KCNT1: variants seen among roughly 807,000 people sequenced by gnomAD.
KCNT1 encodes potassium channel subfamily T member 1.
KCNT1 carries 78 observed loss-of-function variants against 147.8 expected under a neutral mutation model. The ratio of observed to expected loss-of-function variants is 0.53; its 90% confidence interval spans 0.44 to 0.64. The LOEUF is 0.64. KCNT1 is among the 30% of genes least tolerant of loss of function. The pLI is 0.00. For synonymous variants in KCNT1, 867 were observed against 748.8 expected (o/e 1.16, Z -2.58); for missense variants, 1,419 against 1,750.3 (o/e 0.81, Z 3.38).
intron 11 of KCNT1, among the ~76,000 whole-genome samples, chr9:135,762,047 G>A (rs1831949631): frequency 6.6e-6 from 1 of 152,256 alleles, no homozygotes; most frequent in African/African-American, 2.4e-5. Context: ...CAGCAGGCCT[G>A]TTCCATGTCC....
rs1477566705 is a variant in KCNT1 at position 135,784,922 on chromosome 9, C to T, written c.3156+33C>T. The T allele has an allele frequency of 2.5e-6, 4 of 1,606,548 alleles. No homozygotes were observed. The African/African-American group carries it at 5.3e-5, about 21-fold the overall frequency. On this transcript the variant is annotated intron_variant, in intron 27 of 30. Coordinates refer to ENST00000371757, the MANE Select transcript of KCNT1 (RefSeq NM_020822.3). ...GGCAGCCTGGGGGCTGGGACTGTGG[C>T]AGCCCCTGTCCTGTGTGACCCACAG...
chr9:135,763,600 A>G (rs375280562), intron 11 of KCNT1, among the ~76,000 whole-genome samples: 40 of 151,910 alleles, frequency 2.6e-4, no homozygotes, highest in African/African-American at 9.2e-4. Flanking sequence ...TGGGGCCGCA[A>G]TCCCTGGGGC....
chr9:135,716,724 G>T (rs1199002867), intron 2 of KCNT1, among the ~76,000 whole-genome samples: 1 of 152,180 alleles, frequency 6.6e-6, no homozygotes, highest in Non-Finnish European at 1.5e-5. Flanking sequence ...GACGTGTGTG[G>T]CTGTGTGTGC....
At chr9:135,725,682 CG>C (rs1001506846) in intron 2 of KCNT1, among the ~76,000 whole-genome samples, 2 of 152,182 alleles carry the variant, frequency 1.3e-5, no homozygotes, top group South Asian at 4.2e-4. Context: ...GCACCAAAGC[CG>C]GGGGGGCCCC....
In KCNT1 at chr9:135,730,111, C is replaced by G. The variant is rs974183562; in HGVS notation, c.254+15391C>G. On this transcript the variant is annotated intron_variant, in intron 2 of 30. Transcript: ENST00000371757. This position sits in a 1 kb window ranked among gnomAD's most constrained non-coding sequence, Gnocchi z 4.7. ...TTCATCCATGGGAGCTGTGCACCCCCAAATATAATTCCTGCTGGAAACACC... is the reference window on the plus strand; with the variant it reads ...TTCATCCATGGGAGCTGTGCACCCCGAAATATAATTCCTGCTGGAAACACC... Among the ~76,000 whole-genome samples, 1 of 152,310 alleles carries G rather than the reference C, an allele frequency of 6.6e-6. No individual in the cohort carries two copies. The highest frequency in any genetic ancestry group is 6.5e-5 in the Admixed American group (1 of 15,304).
intron 28 of KCNT1, 78 bp downstream of exon 28, chr9:135,785,408 G>GCCCCCCCCCCCCCCCCCCCC: frequency 9.2e-6 from 14 of 1,526,466 alleles, no homozygotes; most frequent in South Asian, 6.0e-5. Context: ...AGCCTGCCAG[G>GCCCCCCCCCCCCCCCCCCCC]CCCCACCCAC....
In KCNT1 at chr9:135,768,928, A is replaced by G; in HGVS notation, c.1501A>G (p.Lys501Glu). 1 of 1,612,466 alleles carries G rather than the reference A, an allele frequency of 6.2e-7. No homozygotes were observed. Among genetic ancestry groups the G allele is most frequent in the Non-Finnish European group, 8.5e-7 (1 of 1,179,478 alleles). The stretch of plus-strand genomic sequence containing the variant: ...CAAACCTGAAAACAAGTTTCACGTC[A>G]AGTTTGCTGGTGCGTCTGGGGCACA... ...ILKPENKFHV[K>E]FADHVVCEEE... Residue 501 changes from lysine to glutamate, a missense_variant, in exon 15 of 31, where the codon AAG (lysine) becomes GAG (glutamate). Physicochemically the swap from Lys to Glu is moderately conservative, Grantham distance 56. Coordinates refer to ENST00000371757, the MANE Select transcript of KCNT1 (RefSeq NM_020822.3).
chr9:135,760,647 A>C (rs1338573806), intron 11 of KCNT1, among the ~76,000 whole-genome samples: 1 of 152,130 alleles, frequency 6.6e-6, no homozygotes, highest in Non-Finnish European at 1.5e-5. Flanking sequence ...CTCCCGCTAA[A>C]CAGCAGTGGG....
chr9:135,791,522 CTTTGCTGCGATGCCACCTA>C, intron 29 of KCNT1: 1 of 473,142 alleles, frequency 2.1e-6, no homozygotes, highest in South Asian at 2.3e-5. Context: ...AGGGCCACCC[CTTTGCTGCGATGCCACCTA>C]GCACCAGAGG....
At chr9:135,791,386 G>A in intron 29 of KCNT1, 1 of 235,472 alleles carries the variant, frequency 4.2e-6, no homozygotes, top group Non-Finnish European at 8.4e-6. Context: ...TGAATCTGCA[G>A]GTGTGTGCAG....
chr9:135,733,645 G>C (rs759481335), intron 2 of KCNT1, among the ~76,000 whole-genome samples: 42 of 130,774 alleles, frequency 3.2e-4, no homozygotes, highest in Non-Finnish European at 6.3e-4. Flanking sequence ...ACACTGCCCA[G>C]CCCTGCACTC....
At chr9:135,742,687 C>A in intron 2 of KCNT1, 2 of 714,714 alleles carry the variant, frequency 2.8e-6, no homozygotes, top group Admixed American at 4.0e-5. Flanking sequence ...ACTGCCTTCT[C>A]CATCCGTCCG....
At chr9:135,744,514 C>T (rs1028061190) in intron 2 of KCNT1, among the ~76,000 whole-genome samples, 5 of 152,216 alleles carry the variant, frequency 3.3e-5, no homozygotes, top group Non-Finnish European at 5.9e-5. Context: ...TCCCCTGCTG[C>T]CGCTACAGGG....
intron 21 of KCNT1, 93 bp downstream of exon 21, chr9:135,777,603 C>A: frequency 8.0e-7 from 1 of 1,251,486 alleles, no homozygotes; most frequent in Non-Finnish European, 1.1e-6. Context: ...TTCGCCTTTG[C>A]AGAGGGCACG....
chr9:135,792,259 GA>G lies in KCNT1; in HGVS notation c.*99del, dbSNP rs1477269983. On this transcript the variant is annotated 3_prime_UTR_variant, in exon 31 of 31. Coordinates refer to ENST00000371757, the MANE Select transcript of KCNT1 (RefSeq NM_020822.3). ...ACGGTGGCACTAGCGTGACCCTGGG[GA>G]TGGCACACTCTACTCACCATGGCTC... 6 of 1,409,652 alleles carry G rather than the reference GA, an allele frequency of 4.3e-6. No homozygotes were observed. The African/African-American group carries it at 5.7e-5, about 13-fold the overall frequency. 87.3% of individuals were successfully genotyped at this position (1,409,652 alleles called of 1,614,324 possible).
chr9:135,739,633 C>A (rs1383215217), intron 2 of KCNT1, among the ~76,000 whole-genome samples: 2 of 152,148 alleles, frequency 1.3e-5, no homozygotes, highest in Admixed American at 6.5e-5. Context: ...TGAAGCCCCC[C>A]TTGGAGCTTG....
rs1832539417 is a variant in KCNT1 at position 135,769,076 on chromosome 9, G to C, written c.1510+139G>C. 4.6e-6 allele frequency: 3 copies of C among 654,968 alleles called. No homozygotes were observed. In the South Asian group the frequency reaches 5.7e-5, roughly 12 times the overall value. The allele number at this position is 654,968 out of a possible 1,614,324, so 40.6% of individuals were successfully genotyped here. On this transcript the variant is annotated intron_variant, in intron 15 of 30. Coordinates refer to ENST00000371757, the MANE Select transcript of KCNT1 (RefSeq NM_020822.3). ...GGGGCAGGACGCGTGTGCACACGTG[G>C]GTGACGGTGCGTCTGGGGCAGGATG...
At chr9:135,771,199 CA>C in intron 18 of KCNT1, 104 bp downstream of exon 18, 1 of 1,080,670 alleles carries the variant, frequency 9.3e-7, no homozygotes, top group Non-Finnish European at 1.3e-6. Flanking sequence ...CCAGGCAGGA[CA>C]GGGGGAGGTG....
chr9:135,768,984 C>G, intron 15 of KCNT1, 47 bp downstream of exon 15: 1 of 1,392,968 alleles, frequency 7.2e-7, no homozygotes, highest in Non-Finnish European at 1.0e-6. Flanking sequence ...GGGCAGGGCA[C>G]GTGTGCACAC....
Sources: gnomAD v4.1 joint callset for allele counts (sites outside exome capture counted in the v4.1 genomes callset) on GRCh38, gnomAD v4.1.1 for gene constraint, Gnocchi (gnomAD v3.1) non-coding constraint, MANE v1.5 for transcripts, NCBI Gene and HGNC (gene_info 2026-07-23, HGNC 2026-07-21) for gene names.